DMD: variants seen among roughly 807,000 people sequenced by gnomAD.
DMD encodes mutant dystrophin.
Under a neutral mutation model 330.1 loss-of-function variants are expected in DMD, and 63 were observed. The observed-to-expected ratio is 0.19, with a 90% CI of 0.16 to 0.24. The LOEUF is 0.24. Ranked by LOEUF, DMD falls within the 10% of genes least tolerant of loss-of-function variation. The probability of loss-of-function intolerance (pLI) is 1.00; values close to 1 mark genes in which losing one functional copy is unlikely to be tolerated. For synonymous variants in DMD, 1,223 were observed against 959.8 expected, an observed-to-expected ratio of 1.27 and a Z score of -5.07; for missense variants, 3,344 against 2,684.1, an observed-to-expected ratio of 1.25 and a Z score of -5.43.
intron 52 of DMD, among the ~76,000 whole-genome samples, chrX:31,694,878 A>C (rs2148831774): frequency 9.2e-6 from 1 of 108,961 alleles, no homozygotes; most frequent in East Asian, 2.9e-4. Context: ...TCAAAATAAT[A>C]AAAAGAGAAT....
intron 44 of DMD, among the ~76,000 whole-genome samples, chrX:32,033,585 AC>A (rs2095904099): frequency 2.1e-5 from 2 of 93,246 alleles, no homozygotes; most frequent in Non-Finnish European, 4.3e-5. Flanking sequence ...ATTTAAAAAA[AC>A]AAGACAGACA....
chrX:32,432,180 T>G (rs951285143), intron 29 of DMD, among the ~76,000 whole-genome samples: 40 of 111,842 alleles, frequency 3.6e-4, no homozygotes, highest in Middle Eastern at 4.6e-3. Context: ...TTATGTTTGT[T>G]CTCTCTGCAG....
intron 62 of DMD, chrX:31,266,992 G>A: frequency 1.2e-6 from 1 of 829,168 alleles, no homozygotes. Context: ...AGGGGGCGCT[G>A]CGGGCAGACG....
At chrX:31,667,753 C>T (rs901813583) in intron 53 of DMD, among the ~76,000 whole-genome samples, 4 of 110,343 alleles carry the variant, frequency 3.6e-5, no homozygotes, top group Non-Finnish European at 7.6e-5. Flanking sequence ...ACATTGTATG[C>T]CTATATCAAA....
chrX:32,825,679 T>A (rs1477790274), intron 4 of DMD, among the ~76,000 whole-genome samples: 1 of 111,908 alleles, frequency 8.9e-6, no homozygotes, highest in Non-Finnish European at 1.9e-5. Flanking sequence ...AACGGAATAT[T>A]TTCAGCCTTA....
chrX:32,835,625 C>A (rs994390370), intron 4 of DMD, among the ~76,000 whole-genome samples: 1 of 111,744 alleles, frequency 8.9e-6, no homozygotes, highest in Non-Finnish European at 1.9e-5. Context: ...CTGAGCTCTA[C>A]AGATATAAGC....
intron 2 of DMD, among the ~76,000 whole-genome samples, chrX:32,877,185 C>T (rs139670321): frequency 8.9e-6 from 1 of 111,993 alleles, no homozygotes; most frequent in African/African-American, 3.2e-5. Context: ...GACTACACTT[C>T]TGACACCCTG....
At chrX:32,522,034 T>C (rs1422777233) in intron 17 of DMD, among the ~76,000 whole-genome samples, 1 of 112,025 alleles carries the variant, frequency 8.9e-6, no homozygotes, top group Non-Finnish European at 1.9e-5. Flanking sequence ...AGTTACTTGA[T>C]ATTAAACTTC....
rs1603633868 is a variant in DMD, at chrX:32,454,805, C to T, written c.3460G>A (p.Gly1154Arg). The T allele has an allele frequency of 8.3e-7, 1 of 1,207,401 alleles. No individual in the cohort carries two copies. Among genetic ancestry groups the T allele is most frequent in the East Asian group, 3.0e-5 (1 of 33,700 alleles). ...AGGCTTACAGTTTTCTCCAAACCTC[C>T]CTTCAAGGCCTCCTTTCTGGCATAG... ...QVYARKEALK[G>R]GLEKTVSLQK... Residue 1154 changes from glycine to arginine, a missense_variant, in exon 26 of 79, where the codon GGA becomes AGA. Transcript: ENST00000357033.
chrX:31,988,729 G>A (rs1190327665), intron 44 of DMD, among the ~76,000 whole-genome samples: 1 of 109,956 alleles, frequency 9.1e-6, no homozygotes, highest in Non-Finnish European at 1.9e-5. Flanking sequence ...GTGATATTTA[G>A]AGAAATTATA....
At chrX:31,329,176 G>C (rs929510302) in intron 61 of DMD, among the ~76,000 whole-genome samples, 1 of 112,303 alleles carries the variant, frequency 8.9e-6, no homozygotes. Flanking sequence ...CAACATTTGT[G>C]TACAGGTATT....
chrX:31,715,530 G>A (rs1175715678), intron 52 of DMD, among the ~76,000 whole-genome samples: 2 of 72,929 alleles, frequency 2.7e-5, no homozygotes, highest in African/African-American at 5.7e-5. Flanking sequence ...GCGACAGAGC[G>A]AAACTCCGTC....
chrX:32,291,063 G>T (rs2097465753), intron 42 of DMD, among the ~76,000 whole-genome samples: 1 of 111,598 alleles, frequency 9.0e-6, no homozygotes, highest in African/African-American at 3.3e-5. Context: ...GTCATATTTG[G>T]CTGCCTTTTC....
At chrX:33,022,612 A>C (rs191570350) in intron 1 of DMD, among the ~76,000 whole-genome samples, 3 of 110,841 alleles carry the variant, frequency 2.7e-5, no homozygotes, top group East Asian at 5.6e-4. Flanking sequence ...CTTACTATTC[A>C]TAAGTTTGTT....
chrX:33,257,025 C>T (rs2052869780), intron 1 of DMD, among the ~76,000 whole-genome samples: 1 of 110,328 alleles, frequency 9.1e-6, no homozygotes. Flanking sequence ...GTAAGTATAA[C>T]CTACCTACAA....
At chrX:31,181,976 A>G (rs1427657435) in intron 68 of DMD, among the ~76,000 whole-genome samples, 2 of 111,479 alleles carry the variant, frequency 1.8e-5, no homozygotes, top group Admixed American at 9.5e-5. Flanking sequence ...TAATTCATTT[A>G]AAAAAAAATC....
intron 15 of DMD, among the ~76,000 whole-genome samples, chrX:32,569,999 C>T (rs950512785): frequency 2.4e-4 from 27 of 111,628 alleles, no homozygotes; most frequent in African/African-American, 7.8e-4. Flanking sequence ...CAGTTTAAAA[C>T]TTAAATCAGT....
intron 44 of DMD, among the ~76,000 whole-genome samples, chrX:32,036,739 T>C (rs1415498947): frequency 2.7e-5 from 3 of 111,665 alleles, no homozygotes; most frequent in African/African-American, 6.5e-5. Context: ...ATTACCCACA[T>C]AATGTCAAGT....
chrX:32,183,376 T>TA (rs200675505), intron 44 of DMD, among the ~76,000 whole-genome samples: 4,510 of 109,327 alleles, frequency 0.041, 247 homozygotes, highest in African/African-American at 0.14. Flanking sequence ...AATGTTTGGA[T>TA]AAAAAAATGA....
Sources: allele counts gnomAD v4.1 joint callset (sites outside exome capture counted in the v4.1 genomes callset), GRCh38; gene constraint gnomAD v4.1.1; transcripts MANE v1.5; gene names NCBI Gene and HGNC (gene_info 2026-07-23, HGNC 2026-07-21).